The following NPR3 variants were observed in gnomAD, a reference collection of about 807,000 sequenced individuals.
NPR3 encodes the protein natriuretic peptide receptor 3.
Under a neutral mutation model 54.5 loss-of-function variants are expected in NPR3, and 34 were observed. That is an observed-to-expected ratio of 0.62 (90% CI 0.47 to 0.83). The LOEUF (loss-of-function observed/expected upper bound fraction) is 0.83, where lower values mean the gene tolerates loss of function less well. NPR3 is among the 40% of genes least tolerant of loss of function. The probability of loss-of-function intolerance (pLI) is 0.00; values close to 1 mark genes in which losing one functional copy is unlikely to be tolerated. For missense variants in NPR3, 674 were observed against 720.8 expected (o/e 0.94, Z 0.74); for synonymous variants, 289 against 297.1 (o/e 0.97, Z 0.28).
intron 1 of NPR3, among the ~76,000 whole-genome samples, chr5:32,719,569 A>G (rs1344992254): frequency 2.0e-5 from 3 of 152,168 alleles, no homozygotes; most frequent in Admixed American, 6.5e-5. Flanking sequence ...GGAAATTTTT[A>G]GAATGTTCTC....
chr5:32,784,964 T>G, intron 7 of NPR3, 81 bp downstream of exon 7: 1 of 1,140,956 alleles, frequency 8.8e-7, no homozygotes, highest in East Asian at 2.4e-5. Context: ...CTTTGTGATT[T>G]GTCCACATCC....
intron 3 of NPR3, among the ~76,000 whole-genome samples, chr5:32,759,047 G>C (rs1741005967): frequency 6.6e-6 from 1 of 152,204 alleles, no homozygotes; most frequent in Non-Finnish European, 1.5e-5. Flanking sequence ...TTTGGAATAG[G>C]TGTGGTGTGG....
At chr5:32,718,951 C>T (rs1738706064) in intron 1 of NPR3, among the ~76,000 whole-genome samples, 1 of 152,148 alleles carries the variant, frequency 6.6e-6, no homozygotes, top group Admixed American at 6.5e-5. Flanking sequence ...AAAACTGCTT[C>T]CAGTTTTTGC....
intron 1 of NPR3, among the ~76,000 whole-genome samples, chr5:32,703,672 G>C (rs1737893859): frequency 6.6e-6 from 1 of 152,142 alleles, no homozygotes; most frequent in African/African-American, 2.4e-5. Flanking sequence ...CCTGGAATGG[G>C]GGCCTCAGGA....
At chr5:32,777,841 T>C (rs1050632038) in intron 4 of NPR3, among the ~76,000 whole-genome samples, 3 of 152,156 alleles carry the variant, frequency 2.0e-5, no homozygotes, top group African/African-American at 7.2e-5. Context: ...GGAGCTAGAA[T>C]CCAATAGGAT....
At chr5:32,765,678 A>G (rs2112025746) in intron 3 of NPR3, among the ~76,000 whole-genome samples, 1 of 152,332 alleles carries the variant, frequency 6.6e-6, no homozygotes, top group Admixed American at 6.5e-5. Context: ...CACTGAGTGC[A>G]GTTATGGAAG....
chr5:32,726,629 G>A (rs1377250343), intron 2 of NPR3, among the ~76,000 whole-genome samples: 2 of 152,188 alleles, frequency 1.3e-5, no homozygotes, highest in Non-Finnish European at 2.9e-5. Flanking sequence ...TGAATTTAGA[G>A]GCATGAGGTC....
At chr5:32,713,095 C>A in intron 1 of NPR3, 2 of 831,838 alleles carry the variant, frequency 2.4e-6, no homozygotes. Flanking sequence ...TTGACTCACT[C>A]TTCTCATTCC....
intron 5 of NPR3, 84 bp from the exon 6 acceptor site, chr5:32,782,809 T>A (rs1730113126): frequency 7.5e-7 from 1 of 1,330,914 alleles, no homozygotes; most frequent in South Asian, 1.5e-5. Flanking sequence ...GGCTGTACAT[T>A]TTGGGGAATA....
At chr5:32,765,744 C>T (rs1278800592) in intron 3 of NPR3, among the ~76,000 whole-genome samples, 1 of 152,106 alleles carries the variant, frequency 6.6e-6, no homozygotes, top group Non-Finnish European at 1.5e-5. Flanking sequence ...TTCGCTGGCT[C>T]ACATAAGGTT....
intron 1 of NPR3, chr5:32,716,532 G>A (rs182381745): frequency 2.3e-6 from 1 of 428,208 alleles, no homozygotes; most frequent in African/African-American, 2.1e-5. Flanking sequence ...GAGGCAGGAG[G>A]ATTGCTTGAG....
chr5:32,702,123 T>C (rs981330766), intron 1 of NPR3, among the ~76,000 whole-genome samples: 2 of 152,160 alleles, frequency 1.3e-5, no homozygotes, highest in Non-Finnish European at 2.9e-5. Context: ...GGATGCTGAG[T>C]TCCCCCTGCC....
At chr5:32,778,546 G>A (rs1433570904) in intron 4 of NPR3, among the ~76,000 whole-genome samples, 3 of 152,200 alleles carry the variant, frequency 2.0e-5, no homozygotes, top group Non-Finnish European at 2.9e-5. Context: ...CTGGGAAGAA[G>A]CTGGATTTCC....
chr5:32,785,945 T>G (rs1412420874), intron 7 of NPR3, among the ~76,000 whole-genome samples: 1 of 152,220 alleles, frequency 6.6e-6, no homozygotes, highest in Non-Finnish European at 1.5e-5. Flanking sequence ...ATCCTGGGAA[T>G]CAGGGAGAAC....
chr5:32,711,237 C>G (rs1017338160), upstream of NPR3: 2 of 322,300 alleles, frequency 6.2e-6, no homozygotes, highest in African/African-American at 5.9e-5. Flanking sequence ...GCTGGAAACA[C>G]AAGCCCGGCC....
In NPR3 at chr5:32,780,727, G is replaced by T. The variant is rs745361797; in HGVS notation, c.1201G>T (p.Ala401Ser). 3 of 1,500,534 alleles carry T rather than the reference G, an allele frequency of 2.0e-6. No homozygotes were observed. The highest frequency in any genetic ancestry group is 2.3e-5 in the South Asian group (2 of 88,772). The allele number at this position is 1,500,534 out of a possible 1,614,324, so 93.0% of individuals were successfully genotyped here. ...QTWNRTFEGI[A>S]GQVSIDANGD... ...CTTCGCTTCTGGTCCTGTAGGTATC[G>T]CCGGGCAGGTGTCCATAGATGCCAA... Residue 401 changes from alanine (A) to serine (S), a missense_variant, in exon 5 of 8, where the codon GCC (alanine) becomes TCC (serine). By Grantham distance (99) the Ala-to-Ser change is moderately conservative. Transcript: ENST00000265074.
chr5:32,710,568 C>G, upstream of NPR3: 1 of 1,361,050 alleles, frequency 7.3e-7, no homozygotes, highest in Non-Finnish European at 9.6e-7. Context: ...GATTCCAGCG[C>G]AAACCTGCGT....
At chr5:32,720,672 C>T (rs1738807221) in intron 1 of NPR3, among the ~76,000 whole-genome samples, 1 of 152,122 alleles carries the variant, frequency 6.6e-6, no homozygotes, top group Admixed American at 6.5e-5. Flanking sequence ...AACAATGCGA[C>T]CCAAAATTAA....
chr5:32,761,322 A>T (rs1364962655), intron 3 of NPR3, among the ~76,000 whole-genome samples: 5 of 151,974 alleles, frequency 3.3e-5, no homozygotes, highest in Non-Finnish European at 7.4e-5. Context: ...AACATGAGAT[A>T]CTCCTCCATT....
Sources: allele counts gnomAD v4.1 joint callset (sites outside exome capture counted in the v4.1 genomes callset), GRCh38; gene constraint gnomAD v4.1.1; transcripts MANE v1.5; gene names NCBI Gene and HGNC (gene_info 2026-07-23, HGNC 2026-07-21).